Variants in NR2F1-AS1 observed in about 807,000 individuals in gnomAD.
The protein encoded by NR2F1-AS1 is NR2F1 regulatory antisense RNA 1, also known as NR2F1 antisense RNA 1.
intron 4 of NR2F1-AS1, among the ~76,000 whole-genome samples, chr5:93,479,854 T>A (rs537054982): frequency 5.9e-4 from 88 of 149,104 alleles, no homozygotes; most frequent in South Asian, 1.1e-3. Context: ...TATTTTTTTT[T>A]AAAAAGAACA....
upstream of NR2F1-AS1, among the ~76,000 whole-genome samples, chr5:93,582,284 A>G (rs549221787): frequency 4.1e-4 from 62 of 151,754 alleles, no homozygotes; most frequent in Middle Eastern, 6.8e-3. Context: ...AAAAAAAAAA[A>G]AAGAAGAAGG....
chr5:93,566,164 A>G (rs1419928287), intron 1 of NR2F1-AS1, among the ~76,000 whole-genome samples: 5 of 152,052 alleles, frequency 3.3e-5, no homozygotes, highest in Non-Finnish European at 7.4e-5. Context: ...TTTTCCAACA[A>G]GAAAGTACAG....
intron 4 of NR2F1-AS1, among the ~76,000 whole-genome samples, chr5:93,453,334 T>C (rs982523595): frequency 6.6e-6 from 1 of 151,974 alleles, no homozygotes; most frequent in Non-Finnish European, 1.5e-5. Flanking sequence ...TGCAGACTAA[T>C]ATATATGTAA....
intron 4 of NR2F1-AS1, among the ~76,000 whole-genome samples, chr5:93,445,733 C>A (rs544493954): frequency 8.5e-5 from 13 of 152,216 alleles, no homozygotes; most frequent in Admixed American, 7.2e-4. Flanking sequence ...CAAAGCCTGG[C>A]AGAGACACAA....
intron 4 of NR2F1-AS1, among the ~76,000 whole-genome samples, chr5:93,419,198 T>C (rs1309142669): frequency 6.6e-6 from 1 of 152,184 alleles, no homozygotes; most frequent in Non-Finnish European, 1.5e-5. Context: ...ATGCCTCTGT[T>C]TACTGGCATG....
intron 1 of NR2F1-AS1, among the ~76,000 whole-genome samples, chr5:93,573,431 C>A (rs1752823157): frequency 6.6e-6 from 1 of 152,144 alleles, no homozygotes; most frequent in Admixed American, 6.5e-5. Flanking sequence ...GCCTTTCCAC[C>A]CTTTCTCACT....
intron 4 of NR2F1-AS1, chr5:93,543,735 A>T (rs1327941186): frequency 6.6e-6 from 1 of 152,206 alleles, no homozygotes; most frequent in Non-Finnish European, 1.5e-5. Flanking sequence ...CAAAACTGAC[A>T]GTTTCTTATA....
At chr5:93,558,597 C>T (rs772808169) in intron 2 of NR2F1-AS1, among the ~76,000 whole-genome samples, 2 of 152,172 alleles carry the variant, frequency 1.3e-5, no homozygotes, top group Non-Finnish European at 2.9e-5. Flanking sequence ...GCTGGGATTA[C>T]AGGCATGAGC....
chr5:93,535,331 A>T (rs973968047), intron 4 of NR2F1-AS1, among the ~76,000 whole-genome samples: 1 of 151,668 alleles, frequency 6.6e-6, no homozygotes, highest in African/African-American at 2.4e-5. Context: ...TGAGGAAAAA[A>T]TTTAAGTATT....
At chr5:93,557,476 C>A (rs942868428) in intron 2 of NR2F1-AS1, among the ~76,000 whole-genome samples, 3 of 152,008 alleles carry the variant, frequency 2.0e-5, no homozygotes, top group Non-Finnish European at 2.9e-5. Flanking sequence ...TCCCAGTGCA[C>A]ATAAAAGTTA....
intron 1 of NR2F1-AS1, among the ~76,000 whole-genome samples, chr5:93,577,171 C>A (rs1363682195): frequency 6.6e-6 from 1 of 152,256 alleles, no homozygotes; most frequent in Non-Finnish European, 1.5e-5. Context: ...TTCTCCTGGG[C>A]CCTCTAACTG....
At chr5:93,443,852 T>C (rs1749629794) in intron 4 of NR2F1-AS1, among the ~76,000 whole-genome samples, 1 of 152,220 alleles carries the variant, frequency 6.6e-6, no homozygotes. Context: ...AGCAGATCTC[T>C]TGGCAGAAAC....
intron 4 of NR2F1-AS1, among the ~76,000 whole-genome samples, chr5:93,458,008 G>A (rs911813531): frequency 4.6e-5 from 7 of 152,134 alleles, no homozygotes; most frequent in African/African-American, 1.7e-4. Flanking sequence ...CCTCAGTGAC[G>A]ACGCTTGAGC....
intron 4 of NR2F1-AS1, among the ~76,000 whole-genome samples, chr5:93,412,768 G>A (rs974282525): frequency 6.6e-6 from 1 of 152,090 alleles, no homozygotes; most frequent in African/African-American, 2.4e-5. Flanking sequence ...TGATTAGATT[G>A]CCTCCTTTCA....
intron 4 of NR2F1-AS1, among the ~76,000 whole-genome samples, chr5:93,453,078 T>C (rs912742714): frequency 2.6e-5 from 4 of 152,034 alleles, no homozygotes; most frequent in Non-Finnish European, 4.4e-5. Flanking sequence ...CATAAATATG[T>C]TCAAGAATGC....
chr5:93,528,885 G>T (rs1246183130), intron 4 of NR2F1-AS1, among the ~76,000 whole-genome samples: 15 of 150,934 alleles, frequency 9.9e-5, no homozygotes. Context: ...ACATCATACA[G>T]CAGGGTTTCT....
chr5:93,562,340 G>T (rs1006469455), intron 2 of NR2F1-AS1, among the ~76,000 whole-genome samples: 3 of 152,156 alleles, frequency 2.0e-5, no homozygotes, highest in African/African-American at 7.2e-5. Flanking sequence ...TTCCTAGGCT[G>T]GAGTGCAGTG....
chr5:93,425,449 T>C (rs1264167871), intron 4 of NR2F1-AS1, among the ~76,000 whole-genome samples: 1 of 152,188 alleles, frequency 6.6e-6, no homozygotes, highest in Non-Finnish European at 1.5e-5. Context: ...ATGATCAACC[T>C]AGATTCAGTA....
At chr5:93,519,464 CA>C (rs1200188342) in intron 4 of NR2F1-AS1, among the ~76,000 whole-genome samples, 1 of 151,980 alleles carries the variant, frequency 6.6e-6, no homozygotes, top group Non-Finnish European at 1.5e-5. Context: ...GAATATATCT[CA>C]AATAATTGCC....
Sources: allele counts gnomAD v4.1 joint callset (sites outside exome capture counted in the v4.1 genomes callset), GRCh38; gene constraint gnomAD v4.1.1; transcripts MANE v1.5; gene names NCBI Gene and HGNC (gene_info 2026-07-23, HGNC 2026-07-21).